The following NUAK1 variants were observed in gnomAD, a reference collection of about 807,000 sequenced individuals.
The protein encoded by NUAK1 is NUAK family SNF1-like kinase 1.
A neutral mutation model predicts 56.9 loss-of-function variants in NUAK1; 26 were observed. The observed-to-expected ratio is 0.46, with a 90% confidence interval of 0.33 to 0.63. The LOEUF (loss-of-function observed/expected upper bound fraction) is 0.63, where lower values mean the gene tolerates loss of function less well. Ranked by LOEUF, NUAK1 falls within the 30% of genes least tolerant of loss-of-function variation. The pLI is 0.02. For synonymous variants in NUAK1, 337 were observed against 336.0 expected (o/e 1.00, Z -0.03); for missense variants, 727 against 876.1 (o/e 0.83, Z 2.15).
intron 2 of NUAK1, among the ~76,000 whole-genome samples, chr12:106,094,993 T>C (rs1162245340): frequency 6.6e-6 from 1 of 152,038 alleles, no homozygotes; most frequent in Non-Finnish European, 1.5e-5. Context: ...CTGGGGAGCA[T>C]TTCTAGAAAC....
intron 4 of NUAK1, among the ~76,000 whole-genome samples, chr12:106,083,082 G>A (rs2136460957): frequency 6.6e-6 from 1 of 152,326 alleles, no homozygotes; most frequent in South Asian, 2.1e-4. Flanking sequence ...TGGGCCAGGA[G>A]AACTTTCTCC....
In NUAK1 at chr12:106,064,700, A is replaced by T. The variant is rs2032315066; in HGVS notation, c.*2102T>A. The T allele has an allele frequency of 6.6e-6, 1 of 152,290 alleles. No individual in the cohort carries two copies. The highest frequency in any genetic ancestry group is 1.5e-5 in the Non-Finnish European group (1 of 68,100). The allele number at this position is 152,290 out of a possible 1,614,324, so 9.4% of individuals were successfully genotyped here. A position where few individuals can be genotyped will look rare whatever the true frequency, so the allele number is the denominator to read the frequency against. On this transcript the variant is annotated 3_prime_UTR_variant, in exon 7 of 7. Transcript: ENST00000261402. ...GCCGTGCACAAGGGGCCAGCAGGGC[A>T]GCAGCATAGGCTGTTCAGAAAAGAC...
At chr12:106,087,722 T>C (rs1227224908) in intron 2 of NUAK1, among the ~76,000 whole-genome samples, 1 of 152,248 alleles carries the variant, frequency 6.6e-6, no homozygotes, top group East Asian at 1.9e-4. Context: ...GAAATATCTG[T>C]AATTTTACCA....
chr12:106,126,370 G>T (rs1298855793), intron 1 of NUAK1, among the ~76,000 whole-genome samples: 1 of 152,204 alleles, frequency 6.6e-6, no homozygotes, highest in African/African-American at 2.4e-5. Flanking sequence ...AAGAAAAAAT[G>T]ACAGAGATAT....
At chr12:106,078,659 G>A (rs1287319425) in intron 4 of NUAK1, among the ~76,000 whole-genome samples, 1 of 152,254 alleles carries the variant, frequency 6.6e-6, no homozygotes, top group African/African-American at 2.4e-5. Context: ...AGGAGCAGAA[G>A]TGAGTGGGGT....
intron 2 of NUAK1, 198 bp from the exon 3 acceptor site, chr12:106,087,083 C>T: frequency 1.8e-6 from 1 of 546,498 alleles, no homozygotes; most frequent in Non-Finnish European, 3.2e-6. Flanking sequence ...TGTGTGTCAC[C>T]ACCACTGTTC....
intron 2 of NUAK1, among the ~76,000 whole-genome samples, chr12:106,099,766 C>T (rs1464011697): frequency 1.3e-5 from 2 of 151,960 alleles, no homozygotes; most frequent in African/African-American, 4.8e-5. Context: ...CACTCAATAA[C>T]TCCTAGCTAT....
At chr12:106,135,370 C>A (rs1363753688) in intron 1 of NUAK1, among the ~76,000 whole-genome samples, 9 of 152,222 alleles carry the variant, frequency 5.9e-5, no homozygotes, top group African/African-American at 1.9e-4. Context: ...CAGGGTCGCA[C>A]CAGCTGACTC....
At position 106,063,805 on chromosome 12, in the gene NUAK1, CA is replaced by C; in HGVS notation, c.*2996del. The C allele has an allele frequency of 6.6e-6, 1 of 152,410 alleles. No homozygotes were observed. Among genetic ancestry groups the C allele is most frequent in the African/African-American group, 2.4e-5 (1 of 41,424 alleles). The allele number at this position is 152,410 out of a possible 1,614,324, so 9.4% of individuals were successfully genotyped here. On this transcript the variant is annotated 3_prime_UTR_variant, in exon 7 of 7. Transcript: ENST00000261402. ...CAACAAGCAGTCAGTCGATCATTCA[CA>C]TTTGTACTCAAGACAGCAGGCCTGG...
At chr12:106,076,161 T>C (rs944833415) in intron 4 of NUAK1, among the ~76,000 whole-genome samples, 4 of 152,210 alleles carry the variant, frequency 2.6e-5, no homozygotes, top group African/African-American at 4.8e-5. Flanking sequence ...AAACAAAATC[T>C]CAGAATTACT....
intron 1 of NUAK1, among the ~76,000 whole-genome samples, chr12:106,125,421 C>T (rs776256438): frequency 5.7e-4 from 87 of 152,342 alleles, no homozygotes; most frequent in South Asian, 1.2e-3. Context: ...TGAAGTCAGA[C>T]GGTCCAGCCC....
rs2032318892 is a variant in NUAK1, at chr12:106,064,845, T to A, written c.*1957A>T. ...TCTACAGAATTTTTTTTTTCCCTTT[T>A]AACCTCTATTAGAGTTCAGGAAGGA... On this transcript the variant is annotated 3_prime_UTR_variant, in exon 7 of 7. Transcript: ENST00000261402. 6.7e-6 allele frequency: 1 copy of A among 149,532 alleles called. No individual in the cohort carries two copies. The highest frequency in any genetic ancestry group is 1.5e-5 in the Non-Finnish European group (1 of 67,386). The allele number at this position is 149,532 out of a possible 1,614,324, so 9.3% of individuals were successfully genotyped here. A position where few individuals can be genotyped will look rare whatever the true frequency, so the allele number is the denominator to read the frequency against.
At chr12:106,098,706 G>A (rs1291200451) in intron 2 of NUAK1, among the ~76,000 whole-genome samples, 8 of 151,990 alleles carry the variant, frequency 5.3e-5, no homozygotes, top group South Asian at 2.1e-4. Context: ...TTTATATGCC[G>A]GACTGTTACC....
intron 2 of NUAK1, among the ~76,000 whole-genome samples, chr12:106,102,021 C>G (rs1001993451): frequency 2.0e-5 from 3 of 152,224 alleles, no homozygotes; most frequent in Admixed American, 2.0e-4. Context: ...GAGCTGCCCT[C>G]CTCCACAGTT....
At chr12:106,082,073 AG>A (rs1367705424) in intron 4 of NUAK1, among the ~76,000 whole-genome samples, 2 of 152,256 alleles carry the variant, frequency 1.3e-5, no homozygotes, top group Admixed American at 1.3e-4. Flanking sequence ...GTATAGTAAC[AG>A]TTAAGCATGA....
At chr12:106,084,191 C>T (rs2032549267) in intron 3 of NUAK1, among the ~76,000 whole-genome samples, 2 of 152,148 alleles carry the variant, frequency 1.3e-5, no homozygotes, top group South Asian at 4.1e-4. Context: ...TCCCCCAGAG[C>T]CTGTAAAACA....
rs2032802143 is a variant in NUAK1, at chr12:106,106,464, C to T, written c.302G>A (p.Arg101Lys). ...AGATGACATGATCTCAATCTCTCGTCTGATGTGAACCATGTCTTGTTCATC... is the reference window on the plus strand; with the variant it reads ...AGATGACATGATCTCAATCTCTCGTTTGATGTGAACCATGTCTTGTTCATC... ...IKDEQDMVHI[R>K]REIEIMSSLN... Residue 101 changes from arginine (R) to lysine (K), a missense_variant, in exon 2 of 7, where the codon AGA becomes AAA. By Grantham distance (26) the Arg-to-Lys change is conservative. Coordinates refer to ENST00000261402, the MANE Select transcript of NUAK1 (RefSeq NM_014840.3). 6.2e-7 allele frequency: 1 copy of T among 1,612,566 alleles called. No individual in the cohort carries two copies. Among genetic ancestry groups the T allele is most frequent in the African/African-American group, 1.3e-5 (1 of 74,972 alleles).
At chr12:106,098,199 G>T (rs941921996) in intron 2 of NUAK1, among the ~76,000 whole-genome samples, 1 of 152,174 alleles carries the variant, frequency 6.6e-6, no homozygotes, top group Admixed American at 6.5e-5. Flanking sequence ...CAGGTAGCTT[G>T]CAAAAGCATA....
chr12:106,065,040 G>A lies in NUAK1; in HGVS notation c.*1762C>T, dbSNP rs1349949235. The A allele has an allele frequency of 2.6e-5, 4 of 152,138 alleles. No homozygotes were observed. The highest frequency in any genetic ancestry group is 5.9e-5 in the Non-Finnish European group (4 of 68,040). 9.4% of individuals were successfully genotyped at this position (152,138 alleles called of 1,614,324 possible). A position where few individuals can be genotyped will look rare whatever the true frequency, so the allele number is the denominator to read the frequency against. On this transcript the variant is annotated 3_prime_UTR_variant, in exon 7 of 7. Transcript: ENST00000261402. The stretch of plus-strand genomic sequence containing the variant: ...TAATGCACTTTCTTAGCACTGTAAG[G>A]TGAATTTTTTTCTCATCTCCCTAGA...
Sources: gnomAD v4.1 joint callset for allele counts (sites outside exome capture counted in the v4.1 genomes callset) on GRCh38, gnomAD v4.1.1 for gene constraint, MANE v1.5 for transcripts, NCBI Gene and HGNC (gene_info 2026-07-23, HGNC 2026-07-21) for gene names.